Variants in CPVL observed in about 807,000 individuals in gnomAD.
The protein encoded by CPVL is carboxypeptidase vitellogenic like.
In CPVL, 51 loss-of-function variants were observed where a neutral mutation model predicts 63.7. The ratio of observed to expected loss-of-function variants is 0.80; its 90% CI spans 0.64 to 1.01. The LOEUF is 1.01. Among genes scored for constraint, CPVL ranks in the 50% least tolerant of loss-of-function variants. The pLI is 0.00. For missense variants in CPVL, 530 were observed against 573.1 expected, an observed-to-expected ratio of 0.92 and a Z score of 0.77; for synonymous variants, 195 against 206.0, an observed-to-expected ratio of 0.95 and a Z score of 0.46.
intron 4 of CPVL, chr7:29,184,320 T>C (rs1048644286): frequency 6.6e-6 from 1 of 151,646 alleles, no homozygotes; most frequent in Admixed American, 6.6e-5. Context: ...ATATCTCATA[T>C]CTCATACATC....
intron 5 of CPVL, among the ~76,000 whole-genome samples, chr7:29,093,363 C>T (rs181889312): frequency 1.6e-3 from 202 of 125,408 alleles, no homozygotes; most frequent in African/African-American, 5.8e-3. Flanking sequence ...GGTGACCAAG[C>T]GAGACTCCGT....
At chr7:29,102,824 A>T (rs182891894) in intron 3 of CPVL, among the ~76,000 whole-genome samples, 2 of 152,200 alleles carry the variant, frequency 1.3e-5, no homozygotes, top group African/African-American at 4.8e-5. Context: ...GAGAGAAGTT[A>T]TCTATTCTGC....
intron 11 of CPVL, among the ~76,000 whole-genome samples, chr7:29,048,828 C>G (rs1480468767): frequency 3.9e-5 from 6 of 152,144 alleles, no homozygotes; most frequent in Non-Finnish European, 8.8e-5. Flanking sequence ...CAAGCACTCT[C>G]TCAGACCACA....
intron 12 of CPVL, among the ~76,000 whole-genome samples, chr7:28,996,412 C>T (rs1350086031): frequency 2.6e-5 from 4 of 151,836 alleles, no homozygotes; most frequent in Non-Finnish European, 5.9e-5. Flanking sequence ...AAACCAAAAA[C>T]ATCCTTGACT....
intron 6 of CPVL, among the ~76,000 whole-genome samples, chr7:29,088,947 C>T (rs1419784449): frequency 6.6e-6 from 1 of 152,156 alleles, no homozygotes; most frequent in Non-Finnish European, 1.5e-5. Context: ...TGCACTCCAG[C>T]CTGGCGACAT....
intron 1 of CPVL, 25 bp downstream of exon 1, chr7:29,146,404 C>A: frequency 1.1e-6 from 1 of 921,066 alleles, no homozygotes; most frequent in Non-Finnish European, 1.6e-6. Context: ...GCTGGCACGA[C>A]CCACGCAGGG....
chr7:29,051,116 G>T (rs1328825280), intron 11 of CPVL, among the ~76,000 whole-genome samples: 36 of 152,138 alleles, frequency 2.4e-4, no homozygotes, highest in Admixed American at 2.3e-3. Flanking sequence ...ATTGATTAAG[G>T]ACTTAAATCT....
intron 3 of CPVL, 24 bp downstream of exon 3, chr7:29,112,680 G>C: frequency 6.7e-7 from 1 of 1,491,728 alleles, no homozygotes; most frequent in Non-Finnish European, 9.4e-7. Context: ...TTGAACACTG[G>C]TGTTCTTTCT....
chr7:29,120,847 G>A (rs371481545), intron 2 of CPVL, 46 bp downstream of exon 2: 52 of 1,158,650 alleles, frequency 4.5e-5, no homozygotes, highest in Non-Finnish European at 5.3e-5. Flanking sequence ...AAGAGAAACT[G>A]TTGAACTCAT....
chr7:29,055,074 C>T (rs1427020462), intron 11 of CPVL, among the ~76,000 whole-genome samples: 3 of 152,140 alleles, frequency 2.0e-5, no homozygotes, highest in South Asian at 4.1e-4. Context: ...TGTCCTATAT[C>T]TGAAAGTGCC....
intron 11 of CPVL, among the ~76,000 whole-genome samples, chr7:29,062,096 G>A (rs999594522): frequency 2.6e-5 from 4 of 152,064 alleles, no homozygotes; most frequent in Non-Finnish European, 2.9e-5. Context: ...AGACATGAAC[G>A]CTAACCTCTT....
intron 7 of CPVL, among the ~76,000 whole-genome samples, chr7:29,086,149 G>A (rs1173213895): frequency 9.2e-5 from 14 of 151,976 alleles, no homozygotes; most frequent in African/African-American, 2.4e-4. Context: ...AAAATTAGCC[G>A]TGCATGGTGG....
chr7:29,007,776 G>C (rs934261503), intron 12 of CPVL, among the ~76,000 whole-genome samples: 2 of 145,852 alleles, frequency 1.4e-5, no homozygotes, highest in Middle Eastern at 3.5e-3. Flanking sequence ...CACACACACA[G>C]TCAGAGGCAA....
chr7:29,177,556 C>T (rs942435730), intron 5 of CPVL, among the ~76,000 whole-genome samples: 1 of 147,654 alleles, frequency 6.8e-6, no homozygotes, highest in Non-Finnish European at 1.5e-5. Flanking sequence ...GCCTGGCCCC[C>T]TCACTTTTTT....
rs1412407285 is a variant in CPVL at position 29,030,586 on chromosome 7, G to A, written c.1311C>T (p.Asp437=). The change falls in exon 12 of 13, where the codon GAC becomes GAT. Residue 437 remains aspartate, a synonymous_variant. Transcript: ENST00000265394. Reference sequence around the variant, plus strand: ...CCAAGCATCTTCCTACCTGATGGAAGTCACCCGCTTGCCGGATGTAACCAG... The same window carrying A: ...CCAAGCATCTTCCTACCTGATGGAAATCACCCGCTTGCCGGATGTAACCAG... ...EVAGYIRQAG[D]FHQVIIRGGG... 6.2e-7 allele frequency: 1 copy of A among 1,611,446 alleles called. No homozygotes were observed. The highest frequency in any genetic ancestry group is 1.1e-5 in the South Asian group (1 of 90,376).
At chr7:29,050,690 T>C (rs1039397459) in intron 11 of CPVL, among the ~76,000 whole-genome samples, 16 of 152,046 alleles carry the variant, frequency 1.1e-4, no homozygotes, top group East Asian at 7.7e-4. Context: ...ACAAATTCAA[T>C]GCAATCCTCA....
chr7:29,068,414 G>A (rs35488630), intron 9 of CPVL, among the ~76,000 whole-genome samples: 21,635 of 152,158 alleles, frequency 0.14, 1,888 homozygotes, highest in Admixed American at 0.22. Flanking sequence ...CATAGAAGGC[G>A]GTGTGGGTGG....
intron 7 of CPVL, among the ~76,000 whole-genome samples, chr7:29,076,951 T>C (rs1784306045): frequency 6.6e-6 from 1 of 152,208 alleles, no homozygotes; most frequent in African/African-American, 2.4e-5. Context: ...CTTGTAAAAA[T>C]AGAGAGAATG....
chr7:29,006,575 G>A (rs184770631), intron 12 of CPVL, among the ~76,000 whole-genome samples: 21 of 152,218 alleles, frequency 1.4e-4, no homozygotes, highest in Admixed American at 2.6e-4. Flanking sequence ...TTATATCAGA[G>A]CACCATGAGA....
Sources: gnomAD v4.1 joint callset for allele counts (sites outside exome capture counted in the v4.1 genomes callset) on GRCh38, gnomAD v4.1.1 for gene constraint, MANE v1.5 for transcripts, NCBI Gene and HGNC (gene_info 2026-07-23, HGNC 2026-07-21) for gene names.